The following TMED2 variants were observed in gnomAD, a reference collection of about 807,000 sequenced individuals.
TMED2 encodes the protein transmembrane p24 trafficking protein 2.
In TMED2, 3 loss-of-function variants were observed where a neutral mutation model predicts 17.5. That is an observed-to-expected ratio of 0.17 (90% CI 0.08 to 0.44). The LOEUF (loss-of-function observed/expected upper bound fraction) is 0.44. Among genes scored for constraint, TMED2 ranks in the 20% least tolerant of loss-of-function variants. The pLI, the probability that TMED2 is intolerant of heterozygous loss-of-function variation, is 0.99. For missense variants in TMED2, 149 were observed against 254.8 expected, an observed-to-expected ratio of 0.58 and a Z score of 2.83; for synonymous variants, 95 against 91.0, an observed-to-expected ratio of 1.04 and a Z score of -0.25.
Position 123,598,255 on chromosome 12 carries a change from C to T in TMED2, c.*1526C>T, listed in dbSNP as rs1296554224. The T allele has an allele frequency of 6.6e-6, 1 of 152,080 alleles. No individual in the cohort carries two copies. The highest frequency in any genetic ancestry group is 1.5e-5 in the Non-Finnish European group (1 of 68,010). The allele number at this position is 152,080 out of a possible 1,614,324, so 9.4% of individuals were successfully genotyped here. A position where few individuals can be genotyped will look rare whatever the true frequency, so the allele number is the denominator to read the frequency against. On this transcript the variant is annotated 3_prime_UTR_variant, in exon 4 of 4. Transcript: ENST00000262225. ...TTCTGAGTATTTATACCTATTACGT[C>T]TGTTACTTTTTAATTCTATAAACTT... is the stretch of plus-strand genomic sequence containing the variant.
chr12:123,585,567 A>G (rs905485636), intron 1 of TMED2: 5 of 152,228 alleles, frequency 3.3e-5, no homozygotes, highest in African/African-American at 1.2e-4. Context: ...AGCATGATTA[A>G]TTGGGTCTAA....
chr12:123,587,553 GT>G, intron 2 of TMED2: 1 of 1,244,272 alleles, frequency 8.0e-7, no homozygotes, highest in Admixed American at 2.9e-5. Context: ...TACATGACTA[GT>G]TTAGCTAAAC....
Position 123,584,658 on chromosome 12 carries a change from C to T in TMED2, c.22C>T (p.Leu8=). 1 of 1,612,564 alleles carries T rather than the reference C, an allele frequency of 6.2e-7. No homozygotes were observed. The highest frequency in any genetic ancestry group is 8.5e-7 in the Non-Finnish European group (1 of 1,179,768). The change falls in exon 1 of 4, where the codon CTG becomes TTG. Residue 8 remains leucine (L), a synonymous_variant. Coordinates refer to ENST00000262225, the MANE Select transcript of TMED2 (RefSeq NM_006815.4). MVTLAEL[L]VLLAALLATV... ...CACCATGGTGACGCTTGCTGAACTG[C>T]TGGTGCTTCTGGCCGCTCTCCTGGC...
intron 3 of TMED2, among the ~76,000 whole-genome samples, chr12:123,592,517 C>A (rs1953399381): frequency 1.3e-5 from 2 of 152,230 alleles, no homozygotes; most frequent in South Asian, 4.1e-4. Flanking sequence ...GTATTTGTTT[C>A]ACAAATAGTG....
Position 123,596,915 on chromosome 12 carries a change from T to C in TMED2, c.*186T>C, listed in dbSNP as rs916099345. ...GAAAATTATAGTGAAAATTTGACAG[T>C]TGATTGGCATAATTTCTTGTTTGAA... On this transcript the variant is annotated 3_prime_UTR_variant, in exon 4 of 4. Coordinates refer to ENST00000262225, the MANE Select transcript of TMED2 (RefSeq NM_006815.4). 2 of 586,570 alleles carry C rather than the reference T, an allele frequency of 3.4e-6. No individual in the cohort carries two copies. Among genetic ancestry groups the C allele is most frequent in the Admixed American group, 4.3e-5 (1 of 22,992 alleles). The allele number at this position is 586,570 out of a possible 1,614,324, so 36.3% of individuals were successfully genotyped here. A position where few individuals can be genotyped will look rare whatever the true frequency, so the allele number is the denominator to read the frequency against.
Position 123,584,701 on chromosome 12 carries a change from T to C in TMED2, c.65T>C (p.Phe22Ser). The change falls in exon 1 of 4, where the codon TTC becomes TCC. Residue 22 changes from phenylalanine (F) to serine (S), a missense_variant. Coordinates refer to ENST00000262225, the MANE Select transcript of TMED2 (RefSeq NM_006815.4). Reference sequence around the variant, plus strand: ...CTCCTGGCCACGGTCTCGGGCTATTTCGTTAGCATCGACGCCCATGCTGAA... The same window carrying C: ...CTCCTGGCCACGGTCTCGGGCTATTCCGTTAGCATCGACGCCCATGCTGAA... ...AALLATVSGY[F>S]VSIDAHAEEC... is the part of the protein sequence containing the mutation. The C allele has an allele frequency of 1.2e-6, 2 of 1,613,818 alleles. No individual in the cohort carries two copies. Among genetic ancestry groups the C allele is most frequent in the Non-Finnish European group, 1.7e-6 (2 of 1,179,888 alleles).
At chr12:123,588,554 A>G (rs1953368708) in intron 2 of TMED2, among the ~76,000 whole-genome samples, 1 of 152,200 alleles carries the variant, frequency 6.6e-6, no homozygotes, top group Non-Finnish European at 1.5e-5. Flanking sequence ...TGAACTTCTT[A>G]GATAATTTTT....
rs372494788 is a variant in TMED2 at position 123,586,737 on chromosome 12, T to G, written c.181-10T>G. 113 of 1,578,324 alleles carry G rather than the reference T, an allele frequency of 7.2e-5. No individual in the cohort carries two copies. The African/African-American group carries it at 1.4e-3, about 20-fold the overall frequency. On this transcript the variant is annotated splice_polypyrimidine_tract_variant and intron_variant, in intron 1 of 3. Transcript: ENST00000262225. Reference sequence around the variant, plus strand: ...TTGTGACATTTTATGCATTTCTCTCTTGCCTCCAGATTACAGGACCAGATA... The same window carrying G: ...TTGTGACATTTTATGCATTTCTCTCGTGCCTCCAGATTACAGGACCAGATA...
chr12:123,591,931 G>A (rs1953395523), intron 3 of TMED2, among the ~76,000 whole-genome samples: 1 of 152,230 alleles, frequency 6.6e-6, no homozygotes, highest in Admixed American at 6.5e-5. Context: ...GACTGGAGTA[G>A]GAAGTGAAGA....
intron 2 of TMED2, 88 bp downstream of exon 2, chr12:123,587,027 T>C (rs1049463815): frequency 3.4e-6 from 4 of 1,188,604 alleles, no homozygotes; most frequent in Admixed American, 3.4e-5. Context: ...GGAGTACTTA[T>C]TTTTTTTAAA....
chr12:123,587,410 C>G (rs1356785959), intron 2 of TMED2, among the ~76,000 whole-genome samples: 1 of 152,052 alleles, frequency 6.6e-6, no homozygotes, highest in Non-Finnish European at 1.5e-5. Context: ...TTTTTTTGTT[C>G]TTTACATTTG....
rs753157812 is a variant in TMED2, at chr12:123,584,588, C to A, written c.-49C>A. On this transcript the variant is annotated 5_prime_UTR_variant, in exon 1 of 4. Transcript: ENST00000262225. The stretch of plus-strand genomic sequence containing the variant: ...GGGGCGGCGGCGGCGGCGGCGGCGG[C>A]GGCTGTGGAGGCCGCAGTCCGGGTC... 4 of 1,573,384 alleles carry A rather than the reference C, an allele frequency of 2.5e-6. No homozygotes were observed. The highest frequency in any genetic ancestry group is 2.7e-5 in the African/African-American group (2 of 73,528).
At chr12:123,589,337 G>A (rs1953374620) in intron 2 of TMED2, among the ~76,000 whole-genome samples, 1 of 152,224 alleles carries the variant, frequency 6.6e-6, no homozygotes, top group South Asian at 2.1e-4. Context: ...TAGAGATTAA[G>A]AGTCTGTTTT....
chr12:123,594,309 T>A (rs909836208), intron 3 of TMED2, among the ~76,000 whole-genome samples: 2 of 151,860 alleles, frequency 1.3e-5, no homozygotes, highest in Non-Finnish European at 2.9e-5. Context: ...TAATTTTTTT[T>A]ATTTTTAGTA....
chr12:123,590,514 C>G, intron 3 of TMED2, 65 bp downstream of exon 3: 1 of 1,339,104 alleles, frequency 7.5e-7, no homozygotes, highest in Non-Finnish European at 1.0e-6. Flanking sequence ...CAACAGCTTG[C>G]TCGTATTTTC....
Position 123,597,745 on chromosome 12 carries a change from C to G in TMED2, c.*1016C>G, listed in dbSNP as rs926075410. 1.3e-5 allele frequency: 2 copies of G among 151,916 alleles called. No individual in the cohort carries two copies. Among genetic ancestry groups the G allele is most frequent in the Non-Finnish European group, 2.9e-5 (2 of 67,952 alleles). The allele number at this position is 151,916 out of a possible 1,614,324, so 9.4% of individuals were successfully genotyped here. A position where few individuals can be genotyped will look rare whatever the true frequency, so the allele number is the denominator to read the frequency against. On this transcript the variant is annotated 3_prime_UTR_variant, in exon 4 of 4. Coordinates refer to ENST00000262225, the MANE Select transcript of TMED2 (RefSeq NM_006815.4). ...GTTTTGTGTAAAATGAAATTACTTT[C>G]TCTTGTTCTCTGATGATGGGTTTAA... is the stretch of plus-strand genomic sequence containing the variant.
intron 3 of TMED2, among the ~76,000 whole-genome samples, chr12:123,591,506 G>A (rs1190513991): frequency 6.6e-6 from 1 of 152,174 alleles, no homozygotes; most frequent in African/African-American, 2.4e-5. Context: ...CAAGGTGGCT[G>A]GGGGCAGTGG....
chr12:123,584,843 G>A, intron 1 of TMED2, 27 bp downstream of exon 1: 1 of 1,601,708 alleles, frequency 6.2e-7, no homozygotes, highest in Non-Finnish European at 8.5e-7. Context: ...CGCAGCTGAG[G>A]CTTGGTCGCG....
At chr12:123,592,574 T>C (rs1361065163) in intron 3 of TMED2, among the ~76,000 whole-genome samples, 1 of 152,206 alleles carries the variant, frequency 6.6e-6, no homozygotes, top group Non-Finnish European at 1.5e-5. Flanking sequence ...TAGAATTGAG[T>C]TTATAGGCAT....
Sources: gnomAD v4.1 joint callset for allele counts (sites outside exome capture counted in the v4.1 genomes callset) on GRCh38, gnomAD v4.1.1 for gene constraint, MANE v1.5 for transcripts, NCBI Gene and HGNC (gene_info 2026-07-23, HGNC 2026-07-21) for gene names.